Variants in CLDN10 observed in about 807,000 individuals in gnomAD.
CLDN10 encodes the protein claudin-10.
A neutral mutation model predicts 22.9 loss-of-function variants in CLDN10; 15 were observed. The ratio of observed to expected loss-of-function variants is 0.65; its 90% CI spans 0.44 to 1.01. The LOEUF (loss-of-function observed/expected upper bound fraction) is 1.01, where lower values mean the gene tolerates loss of function less well. CLDN10 is among the 50% of genes least tolerant of loss of function. The pLI, the probability that CLDN10 is intolerant of heterozygous loss-of-function variation, is 0.00. For missense variants in CLDN10, 247 were observed against 287.8 expected (o/e 0.86, Z 1.03); for synonymous variants, 114 against 111.4 (o/e 1.02, Z -0.15).
intron 1 of CLDN10, among the ~76,000 whole-genome samples, chr13:95,434,572 T>C (rs1481027740): frequency 1.3e-5 from 2 of 150,690 alleles, no homozygotes; most frequent in East Asian, 1.9e-4. Flanking sequence ...TGTGTGTATA[T>C]ATACATTCAC....
chr13:95,471,418 T>TACACACACACAC (rs1219762768), intron 1 of CLDN10, among the ~76,000 whole-genome samples: 23 of 106,468 alleles, frequency 2.2e-4, no homozygotes, highest in African/African-American at 6.5e-4. Flanking sequence ...CACACACATA[T>TACACACACACAC]ACACACACAC....
chr13:95,439,959 G>C (rs1399382797), intron 1 of CLDN10, among the ~76,000 whole-genome samples: 2 of 151,590 alleles, frequency 1.3e-5, no homozygotes, highest in Non-Finnish European at 2.9e-5. Flanking sequence ...TGTTGCCCAG[G>C]CTGGAGTGCA....
chr13:95,509,635 C>T (rs2043074832), intron 1 of CLDN10, among the ~76,000 whole-genome samples: 1 of 152,156 alleles, frequency 6.6e-6, no homozygotes, highest in Non-Finnish European at 1.5e-5. Flanking sequence ...AGATTTTTAA[C>T]ATCTTAAGTC....
At chr13:95,539,750 C>G (rs550413682) in intron 1 of CLDN10, among the ~76,000 whole-genome samples, 15 of 152,304 alleles carry the variant, frequency 9.8e-5, no homozygotes, top group African/African-American at 3.6e-4. Flanking sequence ...AGAAGGCACT[C>G]ATTATTTTCA....
chr13:95,458,468 C>T (rs956808743), intron 1 of CLDN10, among the ~76,000 whole-genome samples: 7 of 152,124 alleles, frequency 4.6e-5, no homozygotes, highest in African/African-American at 1.4e-4. Flanking sequence ...CCTCAGGAAA[C>T]TTACAGTCAT....
chr13:95,537,531 C>A (rs116733160), intron 1 of CLDN10, among the ~76,000 whole-genome samples: 311 of 152,202 alleles, frequency 2.0e-3, no homozygotes, highest in African/African-American at 7.0e-3. Flanking sequence ...ATGAACTATG[C>A]AAATGGAAGG....
At chr13:95,521,284 G>A (rs1006347969) in intron 1 of CLDN10, among the ~76,000 whole-genome samples, 1 of 152,084 alleles carries the variant, frequency 6.6e-6, no homozygotes, top group Non-Finnish European at 1.5e-5. Context: ...AACTTTCAAT[G>A]TTTTATCAAT....
At chr13:95,512,072 G>A (rs567741560) in intron 1 of CLDN10, among the ~76,000 whole-genome samples, 8 of 125,018 alleles carry the variant, frequency 6.4e-5, no homozygotes, top group Admixed American at 8.8e-5. Context: ...ACAAGGCTAA[G>A]ACCAATGATA....
At chr13:95,471,800 C>A (rs2042636123) in intron 1 of CLDN10, among the ~76,000 whole-genome samples, 1 of 151,984 alleles carries the variant, frequency 6.6e-6, no homozygotes, top group African/African-American at 2.4e-5. Context: ...TGTCACCAGC[C>A]TGGAGTGCAG....
chr13:95,479,133 G>A (rs191213820), intron 1 of CLDN10, among the ~76,000 whole-genome samples: 2 of 152,268 alleles, frequency 1.3e-5, no homozygotes, highest in African/African-American at 4.8e-5. Flanking sequence ...GGCAGATCAC[G>A]AGGTCAGGAG....
chr13:95,484,359 G>A (rs2042779985), intron 1 of CLDN10, among the ~76,000 whole-genome samples: 1 of 152,160 alleles, frequency 6.6e-6, no homozygotes, highest in Non-Finnish European at 1.5e-5. Context: ...TTCTTGACTG[G>A]TCTTTCTACT....
chr13:95,463,285 A>AAAAATATATATAT (rs1491334890), intron 1 of CLDN10, among the ~76,000 whole-genome samples: 1 of 40,096 alleles, frequency 2.5e-5, no homozygotes, highest in Non-Finnish European at 5.2e-5. Flanking sequence ...GCAAATGCTT[A>AAAAATATATATAT]ATATATATAT....
intron 1 of CLDN10, among the ~76,000 whole-genome samples, chr13:95,460,167 C>T (rs531974244): frequency 6.6e-6 from 1 of 152,314 alleles, no homozygotes. Flanking sequence ...ATATCACTAT[C>T]AGTATTTTGG....
intron 1 of CLDN10, among the ~76,000 whole-genome samples, chr13:95,523,021 G>T (rs1326417103): frequency 1.3e-5 from 2 of 150,944 alleles, no homozygotes; most frequent in African/African-American, 4.9e-5. Context: ...TTTGCCCTTA[G>T]GAACATTTAG....
At chr13:95,528,616 T>G (rs2043309875) in intron 1 of CLDN10, 1 of 152,146 alleles carries the variant, frequency 6.6e-6, no homozygotes, top group African/African-American at 2.4e-5. Flanking sequence ...AAATAAGGTA[T>G]CAGCAACAAG....
intron 3 of CLDN10, among the ~76,000 whole-genome samples, chr13:95,562,600 G>A (rs998576394): frequency 2.6e-5 from 4 of 152,104 alleles, no homozygotes; most frequent in Admixed American, 6.5e-5. Flanking sequence ...CTGTATTTCT[G>A]AAGCTTAGAA....
chr13:95,510,797 G>A (rs1010042687), intron 1 of CLDN10, among the ~76,000 whole-genome samples: 14 of 152,026 alleles, frequency 9.2e-5, no homozygotes, highest in African/African-American at 3.4e-4. Flanking sequence ...TATATTGCTA[G>A]GAAATTAAGT....
At chr13:95,534,873 T>A (rs1474038762) in intron 1 of CLDN10, among the ~76,000 whole-genome samples, 1 of 152,082 alleles carries the variant, frequency 6.6e-6, no homozygotes, top group Admixed American at 6.5e-5. Context: ...TGAATAAGAA[T>A]CTGTGTTTAT....
rs916750576 is a variant in CLDN10, at chr13:95,555,332, G to A, written c.220+2359G>A. Among the ~76,000 whole-genome samples, 63 of 152,304 alleles carry A rather than the reference G, an allele frequency of 4.1e-4. 2 individuals are homozygous for A. Among genetic ancestry groups the A allele is most frequent in the African/African-American group, 7.2e-5 (3 of 41,574 alleles). ...CAAAGTGCCGGGATTACAGGTGTGC[G>A]CCACCGCGCCCAGCCATCTTATCAT... is the stretch of plus-strand genomic sequence containing the variant. On this transcript the variant is annotated intron_variant, in intron 1 of 4. Coordinates refer to ENST00000299339, the MANE Select transcript of CLDN10 (RefSeq NM_006984.5).
Sources: gnomAD v4.1 joint callset for allele counts (sites outside exome capture counted in the v4.1 genomes callset) on GRCh38, gnomAD v4.1.1 for gene constraint, MANE v1.5 for transcripts, NCBI Gene and HGNC (gene_info 2026-07-23, HGNC 2026-07-21) for gene names.